Variants in CFAP97 observed in about 807,000 individuals in gnomAD.
The protein encoded by CFAP97 is cilia and flagella associated protein 97.
Under a neutral mutation model 43.1 loss-of-function variants are expected in CFAP97, and 36 were observed. That is an observed-to-expected ratio of 0.84 (90% CI 0.64 to 1.10). CFAP97 has a LOEUF of 1.10. Among genes scored for constraint, CFAP97 ranks in the 50% least tolerant of loss-of-function variants. The probability of loss-of-function intolerance (pLI) is 0.00; values close to 1 mark genes in which losing one functional copy is unlikely to be tolerated. For synonymous variants in CFAP97, 228 were observed against 225.7 expected, an observed-to-expected ratio of 1.01 and a Z score of -0.09; for missense variants, 657 against 620.3, an observed-to-expected ratio of 1.06 and a Z score of -0.63.
At chr4:185,164,586 G>C (rs1213873076) in intron 3 of CFAP97, among the ~76,000 whole-genome samples, 2 of 152,104 alleles carry the variant, frequency 1.3e-5, no homozygotes, top group African/African-American at 4.8e-5. Flanking sequence ...TTCTGGTTGG[G>C]CCAGTAAAGC....
chr4:185,198,469 GA>G (rs1437170894), intron 1 of CFAP97, among the ~76,000 whole-genome samples: 1 of 148,554 alleles, frequency 6.7e-6, no homozygotes, highest in Non-Finnish European at 1.5e-5. Flanking sequence ...AAGAAAGGAA[GA>G]AAAAGAAGCC....
rs762607331 is a variant in CFAP97 at position 185,191,073 on chromosome 4, C to T, written c.124G>A (p.Glu42Lys). 11 of 1,613,064 alleles carry T rather than the reference C, an allele frequency of 6.8e-6. No individual in the cohort carries two copies. In the South Asian group the frequency reaches 7.7e-5, roughly 11 times the overall value. ...TTTTTTGTATCTTTATCTATTCTTT[C>T]CTTTGGGTCATCATTTTGCTTGTCA... Reference protein sequence around the residue: ...VFDKQNDDPKERIDKDTKNVN... With the variant: ...VFDKQNDDPKKRIDKDTKNVN... The change falls in exon 2 of 5, where the codon GAA (glutamate) becomes AAA (lysine). Residue 42 changes from glutamate to lysine, a missense_variant. Physicochemically the swap from Glu to Lys is moderately conservative, Grantham distance 56. Transcript: ENST00000458385.
chr4:185,183,152 T>C (rs1211346520), intron 2 of CFAP97, among the ~76,000 whole-genome samples: 1 of 152,170 alleles, frequency 6.6e-6, no homozygotes, highest in Admixed American at 6.5e-5. Flanking sequence ...TGGTTGGCTA[T>C]ACAGGTATCC....
intron 2 of CFAP97, among the ~76,000 whole-genome samples, chr4:185,188,089 G>A (rs1319888165): frequency 6.6e-6 from 1 of 151,930 alleles, no homozygotes; most frequent in Non-Finnish European, 1.5e-5. Context: ...TAGAGATGGG[G>A]TTTCACCACA....
At chr4:185,198,270 C>T (rs1411660963) in intron 1 of CFAP97, among the ~76,000 whole-genome samples, 1 of 151,650 alleles carries the variant, frequency 6.6e-6, no homozygotes, top group Non-Finnish European at 1.5e-5. Flanking sequence ...CGGTGAAACC[C>T]TATCTCTACT....
intron 3 of CFAP97, among the ~76,000 whole-genome samples, chr4:185,171,105 C>T (rs1579233396): frequency 6.7e-6 from 1 of 149,566 alleles, no homozygotes; most frequent in Non-Finnish European, 1.5e-5. Flanking sequence ...ATTATGCTAA[C>T]AGGTACAGAA....
At position 185,160,279 on chromosome 4, in the gene CFAP97, C is replaced by T. The variant is rs1734831299; in HGVS notation, c.*2519G>A. The T allele has an allele frequency of 6.6e-6, 1 of 152,010 alleles. No individual in the cohort carries two copies. The highest frequency in any genetic ancestry group is 1.5e-5 in the Non-Finnish European group (1 of 67,978). The allele number at this position is 152,010 out of a possible 1,614,324, so 9.4% of individuals were successfully genotyped here. On this transcript the variant is annotated 3_prime_UTR_variant, in exon 5 of 5. Transcript: ENST00000458385. ...AACATTAGTTTAAAAAATAACTGAACAAGAATCTGGCCTAATAACCAGACC... is the reference window on the plus strand; with the variant it reads ...AACATTAGTTTAAAAAATAACTGAATAAGAATCTGGCCTAATAACCAGACC...
intron 3 of CFAP97, among the ~76,000 whole-genome samples, chr4:185,167,150 G>C (rs941658580): frequency 6.6e-6 from 1 of 151,892 alleles, no homozygotes; most frequent in Non-Finnish European, 1.5e-5. Flanking sequence ...CATCAATTTA[G>C]AACTCTTATG....
At chr4:185,200,403 G>A (rs1359560009) in intron 1 of CFAP97, among the ~76,000 whole-genome samples, 3 of 152,248 alleles carry the variant, frequency 2.0e-5, no homozygotes, top group African/African-American at 7.2e-5. Flanking sequence ...ACTTTGGGAG[G>A]CTGTGGCAGG....
chr4:185,186,843 C>T (rs922642896), intron 2 of CFAP97, among the ~76,000 whole-genome samples: 5 of 152,056 alleles, frequency 3.3e-5, no homozygotes, highest in African/African-American at 1.2e-4. Flanking sequence ...CTTCAGAATC[C>T]TCAATAACTT....
At chr4:185,168,794 C>T (rs1735169978) in intron 3 of CFAP97, among the ~76,000 whole-genome samples, 1 of 151,974 alleles carries the variant, frequency 6.6e-6, no homozygotes, top group African/African-American at 2.4e-5. Flanking sequence ...ACTGTAATCC[C>T]AGCTACTTGG....
intron 2 of CFAP97, 95 bp from the exon 3 acceptor site, chr4:185,176,146 CT>C (rs2111345289): frequency 8.9e-7 from 1 of 1,121,522 alleles, no homozygotes; most frequent in South Asian, 1.7e-5. Flanking sequence ...GAGTTTCACT[CT>C]TGTTACCCAG....
chr4:185,173,282 G>T (rs1004822437), intron 3 of CFAP97, among the ~76,000 whole-genome samples: 3 of 150,060 alleles, frequency 2.0e-5, no homozygotes, highest in Non-Finnish European at 3.0e-5. Flanking sequence ...AGAATCGCTT[G>T]AACCTGGGAG....
At chr4:185,176,072 A>G (rs965059149) in intron 2 of CFAP97, 21 bp from the exon 3 acceptor site, 2 of 1,545,776 alleles carry the variant, frequency 1.3e-6, no homozygotes, top group Non-Finnish European at 1.7e-6. Context: ...GAACAAAAAA[A>G]AAAGAGAAAA....
At chr4:185,202,980 G>C (rs986267458) in intron 1 of CFAP97, among the ~76,000 whole-genome samples, 2 of 152,234 alleles carry the variant, frequency 1.3e-5, no homozygotes, top group African/African-American at 4.8e-5. Flanking sequence ...CAACAGACTA[G>C]GAAAGGATAA....
intron 2 of CFAP97, among the ~76,000 whole-genome samples, chr4:185,180,618 T>G (rs1275984898): frequency 1.3e-5 from 2 of 149,236 alleles, no homozygotes; most frequent in Non-Finnish European, 3.0e-5. Flanking sequence ...AATACTTCTG[T>G]ATTTTTTTTA....
chr4:185,190,117 C>A (rs763483267), intron 2 of CFAP97, 26 bp downstream of exon 2: 1 of 1,494,658 alleles, frequency 6.7e-7, no homozygotes. Context: ...TTTAAACACA[C>A]ATTTTTAAGA....
rs1734976766 is a variant in CFAP97 at position 185,164,100 on chromosome 4, T to C, written c.1400A>G (p.Asn467Ser). ...RSEQLMDYHR[N>S]MGYLNSSPLS... Reference sequence around the variant, plus strand: ...TGGTGATGAGTTGAGATAGCCCATATTGCGATGATAGTCCATCAGTTGTTC... The same window carrying C: ...TGGTGATGAGTTGAGATAGCCCATACTGCGATGATAGTCCATCAGTTGTTC... The change falls in exon 4 of 5, where the codon AAT becomes AGT. Residue 467 changes from asparagine to serine, a missense_variant. Physicochemically the swap from Asn to Ser is conservative, Grantham distance 46. Coordinates refer to ENST00000458385, the MANE Select transcript of CFAP97 (RefSeq NM_020827.3). The C allele has an allele frequency of 6.2e-7, 1 of 1,614,024 alleles. No homozygotes were observed. The highest frequency in any genetic ancestry group is 8.5e-7 in the Non-Finnish European group (1 of 1,179,872).
intron 2 of CFAP97, among the ~76,000 whole-genome samples, chr4:185,180,344 T>C (rs1735733923): frequency 6.6e-6 from 1 of 152,166 alleles, no homozygotes; most frequent in African/African-American, 2.4e-5. Flanking sequence ...ATTCATATTG[T>C]GTAACCATCA....
Sources: gnomAD v4.1 joint callset for allele counts (sites outside exome capture counted in the v4.1 genomes callset) on GRCh38, gnomAD v4.1.1 for gene constraint, MANE v1.5 for transcripts, NCBI Gene and HGNC (gene_info 2026-07-23, HGNC 2026-07-21) for gene names.